The following TMLHE variants were observed in gnomAD, a reference collection of about 807,000 sequenced individuals.
TMLHE encodes trimethyllysine dioxygenase, mitochondrial.
In TMLHE, 18 loss-of-function variants were observed where a neutral mutation model predicts 25.7. The observed-to-expected ratio is 0.70, with a 90% CI of 0.48 to 1.04. The LOEUF is 1.04. Among genes scored for constraint, TMLHE ranks in the 50% least tolerant of loss-of-function variants. The pLI is 0.00. For synonymous variants in TMLHE, 105 were observed against 97.0 expected (o/e 1.08, Z -0.49); for missense variants, 236 against 259.0 (o/e 0.91, Z 0.61).
intron 1 of TMLHE, among the ~76,000 whole-genome samples, chrX:155,585,416 AACACACACACACACACACACACACACAC>A (rs56160372): frequency 1.0e-5 from 1 of 96,606 alleles, no homozygotes; most frequent in African/African-American, 3.9e-5. Flanking sequence ...CACACACACA[AACACACACACACACACACACACACACAC>A]ACACACACAT....
At chrX:155,555,310 C>T (rs2085082) in intron 1 of TMLHE, among the ~76,000 whole-genome samples, 1 of 108,971 alleles carries the variant, frequency 9.2e-6, no homozygotes, top group African/African-American at 3.3e-5. Flanking sequence ...CAAGTCTTTG[C>T]TATTAGGAAC....
chrX:155,548,599 G>A (rs2067382642), intron 1 of TMLHE, among the ~76,000 whole-genome samples: 1 of 108,786 alleles, frequency 9.2e-6, no homozygotes, highest in South Asian at 4.0e-4. Flanking sequence ...GCCGGGTGTG[G>A]TGGCACACAC....
intron 1 of TMLHE, among the ~76,000 whole-genome samples, chrX:155,601,319 TCTTA>T (rs2067755188): frequency 8.9e-6 from 1 of 112,201 alleles, no homozygotes; most frequent in Non-Finnish European, 1.9e-5. Flanking sequence ...TACATACTTT[TCTTA>T]CTTTCTTTTA....
intron 1 of TMLHE, among the ~76,000 whole-genome samples, chrX:155,606,653 T>A (rs1557347846): frequency 1.8e-5 from 2 of 108,807 alleles, no homozygotes; most frequent in Non-Finnish European, 1.9e-5. Flanking sequence ...ATAAAAAAAA[T>A]GAATGAAATC....
chrX:155,580,264 G>T (rs1240623326), intron 1 of TMLHE, among the ~76,000 whole-genome samples: 2 of 111,634 alleles, frequency 1.8e-5, no homozygotes, highest in African/African-American at 6.5e-5. Context: ...AATCACTGGA[G>T]AAATGAAAAT....
In TMLHE at chrX:155,548,567, C is replaced by G. The variant is rs149530386; in HGVS notation, c.-1-3290G>C. On this transcript the variant is annotated intron_variant, in intron 1 of 7. Transcript: ENST00000334398. ...TGACTAACATGGTGAAACCCTGTCT[C>G]TACTAAAAAATACAAAAATTAGCCG... Among the ~76,000 whole-genome samples, 807 of 107,043 alleles carry G rather than the reference C, an allele frequency of 7.5e-3. 27 individuals are homozygous for G. Among genetic ancestry groups the G allele is most frequent in the African/African-American group, 0.027 (765 of 27,927 alleles). The allele number at this position is 107,043 out of a possible 115,157, so 93.0% of individuals were successfully genotyped here.
At chrX:155,541,085 T>C (rs1265463530) in intron 2 of TMLHE, among the ~76,000 whole-genome samples, 1 of 110,822 alleles carries the variant, frequency 9.0e-6, no homozygotes, top group African/African-American at 3.3e-5. Context: ...CTGGGGTACA[T>C]GTGCAGAACA....
At chrX:155,610,676 T>A (rs2067813715) in intron 1 of TMLHE, among the ~76,000 whole-genome samples, 1 of 111,004 alleles carries the variant, frequency 9.0e-6, no homozygotes, top group African/African-American at 3.3e-5. Context: ...TAAAAATTTT[T>A]AAATCAATTA....
intron 1 of TMLHE, among the ~76,000 whole-genome samples, chrX:155,600,552 A>G (rs1204249146): frequency 1.8e-5 from 2 of 112,154 alleles, no homozygotes; most frequent in African/African-American, 3.2e-5. Context: ...GAACCAATCA[A>G]CTGGGAACGA....
At position 155,551,684 on chromosome X, in the gene TMLHE, T is replaced by C. The variant is rs782058144; in HGVS notation, c.-1-6407A>G. ...TTTTCCATCTGTTCATTCATTCCAC[T>C]TATTTGCTCCTGTAAGTTCTCTAAC... On this transcript the variant is annotated intron_variant, in intron 1 of 7. Coordinates refer to ENST00000334398, the MANE Select transcript of TMLHE (RefSeq NM_018196.4). Among the ~76,000 whole-genome samples, 77 of 110,267 alleles carry C rather than the reference T, an allele frequency of 7.0e-4. 1 individual carries two copies. Among genetic ancestry groups the C allele is most frequent in the Non-Finnish European group, 1.1e-3 (59 of 52,949 alleles).
At chrX:155,549,341 G>C (rs782498962) in intron 1 of TMLHE, among the ~76,000 whole-genome samples, 5 of 110,412 alleles carry the variant, frequency 4.5e-5, no homozygotes, top group South Asian at 3.8e-4. Context: ...TATGTTGTTA[G>C]CCATGTTTTT....
chrX:155,588,725 G>GA (rs1233237139), intron 1 of TMLHE, among the ~76,000 whole-genome samples: 4 of 111,145 alleles, frequency 3.6e-5, no homozygotes, highest in Non-Finnish European at 3.8e-5. Flanking sequence ...TCAGCTGTAG[G>GA]AAAAAAATGC....
intron 3 of TMLHE, among the ~76,000 whole-genome samples, chrX:155,515,403 T>C (rs1335139673): frequency 6.3e-5 from 7 of 110,342 alleles, no homozygotes; most frequent in African/African-American, 2.3e-4. Flanking sequence ...GTACATTTAT[T>C]TTTAAAAAAT....
rs1320595081 is a variant in TMLHE at position 155,548,396 on chromosome X, C to A, written c.-1-3119G>T. On this transcript the variant is annotated intron_variant, in intron 1 of 7. Coordinates refer to ENST00000334398, the MANE Select transcript of TMLHE (RefSeq NM_018196.4). ...CAATTTGCAAACTGGCAGCAGGTAT[C>A]TGAAATTCACACAACTGACAAAGTA... Among the ~76,000 whole-genome samples, 3 of 111,801 alleles carry A rather than the reference C, an allele frequency of 2.7e-5. No individual in the cohort carries two copies. The Admixed American group carries it at 2.8e-4, about 11-fold the overall frequency.
chrX:155,560,209 T>C (rs1365173771), intron 1 of TMLHE, among the ~76,000 whole-genome samples: 1 of 111,441 alleles, frequency 9.0e-6, no homozygotes, highest in Non-Finnish European at 1.9e-5. Context: ...CTTACCATGC[T>C]CTCCCCTTCA....
At chrX:155,600,767 G>A (rs1262180221) in intron 1 of TMLHE, among the ~76,000 whole-genome samples, 1 of 112,287 alleles carries the variant, frequency 8.9e-6, no homozygotes, top group Admixed American at 9.4e-5. Context: ...GCCTAAATGT[G>A]TGGTGTTATA....
intron 1 of TMLHE, among the ~76,000 whole-genome samples, chrX:155,547,760 C>G (rs1219010906): frequency 1.8e-5 from 2 of 109,202 alleles, no homozygotes; most frequent in Non-Finnish European, 3.8e-5. Flanking sequence ...TGGAAATAAT[C>G]CACACAACCC....
At chrX:155,545,015 C>T in intron 2 of TMLHE, 81 bp downstream of exon 2, 1 of 1,063,907 alleles carries the variant, frequency 9.4e-7, no homozygotes, top group Non-Finnish European at 1.3e-6. Context: ...TTTATCATTC[C>T]AATTTTTGAT....
intron 1 of TMLHE, among the ~76,000 whole-genome samples, chrX:155,610,384 T>TCAC (rs782303864): frequency 0.012 from 1,345 of 112,328 alleles, 17 homozygotes; most frequent in Admixed American, 0.02. Flanking sequence ...ACTGACGTGA[T>TCAC]GCAAATGTTT....
Sources: gnomAD v4.1 joint callset for allele counts (sites outside exome capture counted in the v4.1 genomes callset) on GRCh38, gnomAD v4.1.1 for gene constraint, MANE v1.5 for transcripts, NCBI Gene and HGNC (gene_info 2026-07-23, HGNC 2026-07-21) for gene names.